ECM2: variants seen among roughly 807,000 people sequenced by gnomAD.
ECM2 encodes the protein extracellular matrix protein 2, female organ and adipocyte specific.
ECM2 carries 57 observed loss-of-function variants against 67.5 expected under a neutral mutation model. That is an observed-to-expected ratio of 0.84 (90% CI 0.68 to 1.05). ECM2 has a LOEUF of 1.05. Ranked by LOEUF, ECM2 falls within the 50% of genes least tolerant of loss-of-function variation. The pLI is 0.00. For missense variants in ECM2, 741 were observed against 822.8 expected, an observed-to-expected ratio of 0.90 and a Z score of 1.22; for synonymous variants, 258 against 294.5, an observed-to-expected ratio of 0.88 and a Z score of 1.27.
At chr9:92,536,890 C>T (rs1346420051), upstream of ECM2, among the ~76,000 whole-genome samples, 2 of 130,368 alleles carry the variant, frequency 1.5e-5, no homozygotes, top group Admixed American at 7.7e-5. Flanking sequence ...TTTTTTGAGA[C>T]GGGAGTTTTT....
intron 6 of ECM2, among the ~76,000 whole-genome samples, chr9:92,509,225 A>T (rs1847191416): frequency 6.6e-6 from 1 of 152,218 alleles, no homozygotes; most frequent in Non-Finnish European, 1.5e-5. Context: ...TGGAGTTAGC[A>T]GGACTTCAGT....
At chr9:92,558,394 A>G in the ECM2 span, among the ~76,000 whole-genome samples, 6 of 152,076 alleles carry the variant, frequency 3.9e-5, no homozygotes, top group Non-Finnish European at 4.4e-5. Context: ...GCCAAACTAC[A>G]GTGATTATTG....
chr9:92,539,710 T>C (rs960352485), upstream of ECM2, among the ~76,000 whole-genome samples: 1 of 152,182 alleles, frequency 6.6e-6, no homozygotes, highest in Non-Finnish European at 1.5e-5. Flanking sequence ...TCTTGGCCCA[T>C]AGTTCAAATG....
In ECM2 at chr9:92,505,602, G is replaced by A; in HGVS notation, c.1395C>T (p.Ser465=). Reference sequence around the variant, plus strand: ...TTTTTCCCAGACGCAAGTAGGCTAGGCTCTTCAAAGGTTTGAAAGCTAAAG... The same window carrying A: ...TTTTTCCCAGACGCAAGTAGGCTAGACTCTTCAAAGGTTTGAAAGCTAAAG... ...VNPLAFKPLK[S]LAYLRLGKNK... The change falls in exon 7 of 10, where the codon AGC becomes AGT. Residue 465 remains serine, a synonymous_variant. Coordinates refer to ENST00000344604, the MANE Select transcript of ECM2 (RefSeq NM_001393.4). 6.2e-7 allele frequency: 1 copy of A among 1,611,438 alleles called. No individual in the cohort carries two copies. Among genetic ancestry groups the A allele is most frequent in the Admixed American group, 1.7e-5 (1 of 59,462 alleles).
chr9:92,522,950 T>A, intron 1 of ECM2, 57 bp from the exon 2 acceptor site: 1 of 1,466,270 alleles, frequency 6.8e-7, no homozygotes, highest in Non-Finnish European at 9.0e-7. Flanking sequence ...TTCTGAAAAT[T>A]GGCTTATATA....
intron 2 of ECM2, among the ~76,000 whole-genome samples, chr9:92,521,388 T>A (rs1245108383): frequency 6.6e-6 from 1 of 152,220 alleles, no homozygotes; most frequent in Non-Finnish European, 1.5e-5. Context: ...ACAATGTTTT[T>A]AAGTTGATTT....
At chr9:92,546,976 G>A in the ECM2 span, among the ~76,000 whole-genome samples, 1 of 152,198 alleles carries the variant, frequency 6.6e-6, no homozygotes, top group African/African-American at 2.4e-5. Context: ...TGACAGGGAC[G>A]TCAGAAGGAA....
the ECM2 span, among the ~76,000 whole-genome samples, chr9:92,548,471 T>C: frequency 6.6e-6 from 1 of 152,220 alleles, no homozygotes; most frequent in South Asian, 2.1e-4. Context: ...TTACTGCATA[T>C]GATCACTAAT....
chr9:92,514,711 C>T lies in ECM2; in HGVS notation c.974G>A (p.Arg325Lys). ...CATGGCGTTGATGCAGCTGATGGTC[C>T]TGTAGGACAGAGAGCACCCGCTTGG... is the stretch of plus-strand genomic sequence containing the variant. The part of the protein sequence containing the change: ...RLPSGCSLSY[R>K]TISCINAMLT... Residue 325 changes from arginine (R) to lysine (K), a missense_variant, in exon 4 of 10, where the codon AGG becomes AAG. Arg to Lys is a conservative substitution (Grantham distance 26). Coordinates refer to ENST00000344604, the MANE Select transcript of ECM2 (RefSeq NM_001393.4). The T allele has an allele frequency of 1.2e-6, 2 of 1,613,934 alleles. No homozygotes were observed. Among genetic ancestry groups the T allele is most frequent in the Non-Finnish European group, 1.7e-6 (2 of 1,179,900 alleles).
chr9:92,529,975 T>A (rs1475158745), intron 1 of ECM2, among the ~76,000 whole-genome samples: 5 of 152,214 alleles, frequency 3.3e-5, no homozygotes, highest in Admixed American at 3.3e-4. Context: ...CTTTTTTTTC[T>A]TGTCATTGTC....
intron 6 of ECM2, 134 bp from the exon 7 acceptor site, chr9:92,505,824 C>T: frequency 1.5e-6 from 1 of 687,336 alleles, no homozygotes; most frequent in Admixed American, 3.3e-5. Context: ...CCTTTGTATC[C>T]TCCTATAAAA....
the ECM2 span, among the ~76,000 whole-genome samples, chr9:92,546,368 T>C: frequency 2.0e-5 from 3 of 152,110 alleles, no homozygotes; most frequent in Non-Finnish European, 4.4e-5. Context: ...GTTCTTTTGC[T>C]CTTTGCAATA....
At chr9:92,547,567 A>G in the ECM2 span, among the ~76,000 whole-genome samples, 1 of 152,258 alleles carries the variant, frequency 6.6e-6, no homozygotes, top group Non-Finnish European at 1.5e-5. Context: ...GTCACAAAAG[A>G]CCACATATTG....
chr9:92,552,475 T>A, the ECM2 span, among the ~76,000 whole-genome samples: 1 of 152,168 alleles, frequency 6.6e-6, no homozygotes, highest in East Asian at 1.9e-4. Context: ...TGTAGAAGTG[T>A]TCCCTGTTCA....
chr9:92,551,928 T>TATATATATATATATATATATATG, the ECM2 span, among the ~76,000 whole-genome samples: 1 of 53,512 alleles, frequency 1.9e-5, no homozygotes, highest in African/African-American at 1.0e-4. Context: ...TGTGTGTGTA[T>TATATATATATATATATATATATG]ATATATATAT....
At chr9:92,546,687 C>T in the ECM2 span, among the ~76,000 whole-genome samples, 5 of 152,168 alleles carry the variant, frequency 3.3e-5, no homozygotes, top group African/African-American at 1.2e-4. Context: ...GGGTCCGCGG[C>T]TTCATTCTTG....
At chr9:92,545,548 C>T in the ECM2 span, among the ~76,000 whole-genome samples, 2 of 150,052 alleles carry the variant, frequency 1.3e-5, no homozygotes, top group Non-Finnish European at 3.0e-5. Context: ...CGGGCCCCTT[C>T]AAGGCCCGAG....
chr9:92,535,309 C>T (rs72754444), intron 1 of ECM2, among the ~76,000 whole-genome samples: 6,067 of 152,192 alleles, frequency 0.04, 185 homozygotes, highest in South Asian at 0.099. Context: ...CAGAATTTTG[C>T]TTTGCACTTA....
At chr9:92,554,448 G>T in the ECM2 span, among the ~76,000 whole-genome samples, 2 of 152,328 alleles carry the variant, frequency 1.3e-5, no homozygotes, top group East Asian at 3.9e-4. Context: ...CTCCCAAAGT[G>T]CTGGGATTAC....
Sources: allele counts gnomAD v4.1 joint callset (sites outside exome capture counted in the v4.1 genomes callset), GRCh38; gene constraint gnomAD v4.1.1; transcripts MANE v1.5; gene names NCBI Gene and HGNC (gene_info 2026-07-23, HGNC 2026-07-21).